FBXO42: variants seen among roughly 807,000 people sequenced by gnomAD.
FBXO42 encodes the protein F-box protein 42, also known as F-box only protein 42.
FBXO42 carries 12 observed loss-of-function variants against 71.7 expected under a neutral mutation model. The ratio of observed to expected loss-of-function variants is 0.17; its 90% CI spans 0.11 to 0.27. FBXO42 has a LOEUF of 0.27. FBXO42 is among the 10% of genes least tolerant of loss of function. The probability of loss-of-function intolerance (pLI) is 1.00; values close to 1 mark genes in which losing one functional copy is unlikely to be tolerated. For missense variants in FBXO42, 707 were observed against 911.9 expected (o/e 0.78, Z 2.89); for synonymous variants, 325 against 327.5 (o/e 0.99, Z 0.08).
At chr1:16,288,957 C>CAA (rs201709602) in intron 4 of FBXO42, among the ~76,000 whole-genome samples, 4 of 79,218 alleles carry the variant, frequency 5.0e-5, no homozygotes, top group Non-Finnish European at 8.4e-5. Flanking sequence ...GACTATGTCT[C>CAA]AAAAAAAAAA....
intron 3 of FBXO42, among the ~76,000 whole-genome samples, chr1:16,301,687 CA>C (rs55775430): frequency 1.2e-4 from 16 of 133,242 alleles, no homozygotes; most frequent in South Asian, 6.9e-4. Context: ...AAAAAAACAA[CA>C]AAAAAAAAAG....
chr1:16,295,050 C>T, intron 3 of FBXO42, 133 bp from the exon 4 acceptor site: 1 of 989,942 alleles, frequency 1.0e-6, no homozygotes, highest in Non-Finnish European at 1.4e-6. Flanking sequence ...ATTTCTATTA[C>T]CAGCCTCTTG....
rs1006249362 is a variant in FBXO42 at position 16,251,329 on chromosome 1, A to G, written c.1495T>C (p.Ser499Pro). Residue 499 changes from serine (S) to proline (P), a missense_variant, in exon 10 of 10, where the codon TCC becomes CCC. Coordinates refer to ENST00000375592, the MANE Select transcript of FBXO42 (RefSeq NM_018994.3). The surrounding 1 kb of genome is among the most constrained non-coding windows in gnomAD (Gnocchi z 4.5). ...LPDQKDLRLG[S>P]IDLNWDLKPA... ...TTCAGATCCCAATTCAGATCTATGGATCCTAATCTCAGATCTTTCTGATCT... is the reference window on the plus strand; with the variant it reads ...TTCAGATCCCAATTCAGATCTATGGGTCCTAATCTCAGATCTTTCTGATCT... 2 of 1,614,030 alleles carry G rather than the reference A, an allele frequency of 1.2e-6. No homozygotes were observed. Among genetic ancestry groups the G allele is most frequent in the Non-Finnish European group, 1.7e-6 (2 of 1,180,018 alleles).
rs2082582961 is a variant in FBXO42, at chr1:16,339,475, G to A, written c.-18+12780C>T. Among the ~76,000 whole-genome samples, 6 of 152,068 alleles carry A rather than the reference G, an allele frequency of 3.9e-5. No individual in the cohort carries two copies. In the South Asian group the frequency reaches 1.2e-3, roughly 32 times the overall value. On this transcript the variant is annotated intron_variant, in intron 1 of 9. Transcript: ENST00000375592. ...CTACAGGTGCGTGCCACCACGCCCAGCTAATTTTTGTATTTTCAGTAGAGA... is the reference window on the plus strand; with the variant it reads ...CTACAGGTGCGTGCCACCACGCCCAACTAATTTTTGTATTTTCAGTAGAGA...
At chr1:16,287,936 C>G (rs2082038760) in intron 4 of FBXO42, among the ~76,000 whole-genome samples, 1 of 151,972 alleles carries the variant, frequency 6.6e-6, no homozygotes, top group Admixed American at 6.6e-5. Flanking sequence ...GAAACCCTGT[C>G]TCTATTAAAA....
intron 1 of FBXO42, among the ~76,000 whole-genome samples, chr1:16,334,359 G>T (rs2082530266): frequency 6.6e-6 from 1 of 151,012 alleles, no homozygotes. Flanking sequence ...CGTGAACCCG[G>T]GAGGCGGAGC....
Position 16,252,554 on chromosome 1 carries a change from A to G in FBXO42, c.922-150T>C. 2 of 614,620 alleles carry G rather than the reference A, an allele frequency of 3.3e-6. No individual in the cohort carries two copies. Among genetic ancestry groups the G allele is most frequent in the South Asian group, 3.9e-5 (2 of 50,840 alleles). 38.1% of individuals were successfully genotyped at this position (614,620 alleles called of 1,614,324 possible). A position where few individuals can be genotyped will look rare whatever the true frequency, so the allele number is the denominator to read the frequency against. Reference sequence around the variant, plus strand: ...TAGCAAAATCCTCAGTTAATTATTCAGTTGTGCATGCATCCACTTACGCTT... The same window carrying G: ...TAGCAAAATCCTCAGTTAATTATTCGGTTGTGCATGCATCCACTTACGCTT... On this transcript the variant is annotated intron_variant, in intron 8 of 9. Coordinates refer to ENST00000375592, the MANE Select transcript of FBXO42 (RefSeq NM_018994.3). The surrounding 1 kb of genome is among the most constrained non-coding windows in gnomAD (Gnocchi z 4.4).
intron 2 of FBXO42, among the ~76,000 whole-genome samples, chr1:16,309,654 G>C (rs775104969): frequency 3.3e-5 from 5 of 152,104 alleles, no homozygotes; most frequent in African/African-American, 4.8e-5. Context: ...CCAACACTTT[G>C]GGAGGCCAAG....
At chr1:16,256,954 T>G (rs556155121) in intron 4 of FBXO42, among the ~76,000 whole-genome samples, 195 bp from the exon 5 acceptor site, 70 of 152,368 alleles carry the variant, frequency 4.6e-4, no homozygotes, top group African/African-American at 1.6e-3. Flanking sequence ...TCTTTTATTA[T>G]TAACAGAGAA....
At chr1:16,300,111 T>C (rs1210887733) in intron 3 of FBXO42, among the ~76,000 whole-genome samples, 4 of 152,180 alleles carry the variant, frequency 2.6e-5, no homozygotes, top group Non-Finnish European at 5.9e-5. Context: ...AGTGCTCCAG[T>C]AGTAATTTCC....
chr1:16,284,013 G>C (rs1345067053), intron 4 of FBXO42, among the ~76,000 whole-genome samples: 3 of 152,108 alleles, frequency 2.0e-5, no homozygotes, highest in African/African-American at 7.2e-5. Context: ...TTGAATAAAG[G>C]GTAATTTATT....
chr1:16,338,599 C>T (rs2082574815), intron 1 of FBXO42, among the ~76,000 whole-genome samples: 1 of 151,914 alleles, frequency 6.6e-6, no homozygotes, highest in Admixed American at 6.6e-5. Flanking sequence ...CAGGAATTTA[C>T]TAAATGTGAG....
At chr1:16,327,273 C>T (rs2100600714) in intron 1 of FBXO42, among the ~76,000 whole-genome samples, 1 of 152,278 alleles carries the variant, frequency 6.6e-6, no homozygotes, top group East Asian at 1.9e-4. Context: ...CATGGCCTTG[C>T]TTATGACCAA....
chr1:16,289,980 T>A (rs867654378), intron 4 of FBXO42, among the ~76,000 whole-genome samples: 10 of 152,214 alleles, frequency 6.6e-5, no homozygotes, highest in African/African-American at 2.4e-4. Flanking sequence ...TTTATAACAA[T>A]TTGCTTACTT....
rs2081576303 is a variant in FBXO42, at chr1:16,250,168, A to G, written c.*502T>C. ...CTGTCACAGGTCCTCTGTGGTTTTA[A>G]GAGAAGGGGAAAAACAGTTACTTTT... On this transcript the variant is annotated 3_prime_UTR_variant, in exon 10 of 10. Coordinates refer to ENST00000375592, the MANE Select transcript of FBXO42 (RefSeq NM_018994.3). The surrounding 1 kb of genome is among the most constrained non-coding windows in gnomAD (Gnocchi z 4.7). 1 of 152,242 alleles carries G rather than the reference A, an allele frequency of 6.6e-6. No individual in the cohort carries two copies. Among genetic ancestry groups the G allele is most frequent in the African/African-American group, 2.4e-5 (1 of 41,468 alleles). 9.4% of individuals were successfully genotyped at this position (152,242 alleles called of 1,614,324 possible).
At chr1:16,307,416 A>C (rs939637137) in intron 2 of FBXO42, among the ~76,000 whole-genome samples, 1 of 151,930 alleles carries the variant, frequency 6.6e-6, no homozygotes, top group Non-Finnish European at 1.5e-5. Context: ...AGGGAGGATC[A>C]CCTGTGCCCA....
Position 16,251,173 on chromosome 1 carries a change from C to T in FBXO42, c.1651G>A (p.Val551Ile), listed in dbSNP as rs143311144. ...PHVASALAGA[V>I]SPGALRRSLE... is the part of the protein sequence containing the mutation. Reference sequence around the variant, plus strand: ...CTCCGACGCAGGGCACCTGGGGAGACGGCCCCTGCAAGGGCACTGGCCACG... The same window carrying T: ...CTCCGACGCAGGGCACCTGGGGAGATGGCCCCTGCAAGGGCACTGGCCACG... The change falls in exon 10 of 10, where the codon GTC becomes ATC. Residue 551 changes from valine to isoleucine, a missense_variant. This residue lies in a region of FBXO42 where 482 missense variants were observed against 587.1 expected (regional missense o/e 0.82). Coordinates refer to ENST00000375592, the MANE Select transcript of FBXO42 (RefSeq NM_018994.3). The surrounding 1 kb of genome is among the most constrained non-coding windows in gnomAD (Gnocchi z 4.5). 1.5e-5 allele frequency: 25 copies of T among 1,614,034 alleles called. No homozygotes were observed. Among genetic ancestry groups the T allele is most frequent in the African/African-American group, 8.0e-5 (6 of 74,932 alleles).
intron 4 of FBXO42, among the ~76,000 whole-genome samples, chr1:16,272,443 G>A (rs775953606): frequency 2.0e-5 from 3 of 152,012 alleles, no homozygotes; most frequent in Non-Finnish European, 4.4e-5. Flanking sequence ...ATTTTAAGTA[G>A]AGACCGGGTT....
At chr1:16,258,947 T>G (rs913248919) in intron 4 of FBXO42, among the ~76,000 whole-genome samples, 3 of 152,070 alleles carry the variant, frequency 2.0e-5, no homozygotes, top group Non-Finnish European at 4.4e-5. Flanking sequence ...GCTATGTTGC[T>G]CAGGCTGGCC....
Sources: allele counts gnomAD v4.1 joint callset (sites outside exome capture counted in the v4.1 genomes callset), GRCh38; gene constraint gnomAD v4.1.1; regional missense constraint gnomAD v4.1.1; non-coding constraint Gnocchi (gnomAD v3.1); transcripts MANE v1.5; gene names NCBI Gene and HGNC (gene_info 2026-07-23, HGNC 2026-07-21).